The following RAB11FIP4 variants were observed in gnomAD, a reference collection of about 807,000 sequenced individuals.
RAB11FIP4 encodes the protein rab11 family-interacting protein 4.
RAB11FIP4 carries 23 observed loss-of-function variants against 74.3 expected under a neutral mutation model. The ratio of observed to expected loss-of-function variants is 0.31; its 90% CI spans 0.22 to 0.44. The LOEUF (loss-of-function observed/expected upper bound fraction) is 0.44, where lower values mean the gene tolerates loss of function less well. Among genes scored for constraint, RAB11FIP4 ranks in the 20% least tolerant of loss-of-function variants. The pLI is 1.00. For synonymous variants in RAB11FIP4, 360 were observed against 359.9 expected (o/e 1.00, Z 0.00); for missense variants, 630 against 863.9 (o/e 0.73, Z 3.39).
chr17:31,465,359 C>T (rs1456577489), intron 3 of RAB11FIP4, among the ~76,000 whole-genome samples: 4 of 152,016 alleles, frequency 2.6e-5, no homozygotes, highest in Non-Finnish European at 2.9e-5. Context: ...ATCCTTAGCA[C>T]GCTCCCCTAA....
intron 3 of RAB11FIP4, among the ~76,000 whole-genome samples, chr17:31,498,417 T>C (rs2072157376): frequency 6.6e-6 from 1 of 152,086 alleles, no homozygotes; most frequent in Admixed American, 6.5e-5. Flanking sequence ...GGGGGCTATG[T>C]GCTGATGGGA....
intron 3 of RAB11FIP4, among the ~76,000 whole-genome samples, chr17:31,473,882 G>T (rs926729796): frequency 5.3e-5 from 8 of 152,214 alleles, no homozygotes; most frequent in Non-Finnish European, 1.2e-4. Context: ...AAGGCCACCT[G>T]CCAGAAGTGT....
At chr17:31,468,597 G>A (rs1447354609) in intron 3 of RAB11FIP4, among the ~76,000 whole-genome samples, 2 of 152,128 alleles carry the variant, frequency 1.3e-5, no homozygotes, top group Admixed American at 6.5e-5. Flanking sequence ...TTGGGAGGCC[G>A]AGGCAGGCGG....
chr17:31,503,427 A>G (rs1338662654), intron 3 of RAB11FIP4, among the ~76,000 whole-genome samples: 1 of 149,772 alleles, frequency 6.7e-6, no homozygotes, highest in East Asian at 1.9e-4. Context: ...TAGAGGGAAC[A>G]GGATTCAGCC....
intron 1 of RAB11FIP4, among the ~76,000 whole-genome samples, chr17:31,428,748 G>A (rs1384107026): frequency 2.0e-5 from 3 of 152,072 alleles, no homozygotes; most frequent in Non-Finnish European, 2.9e-5. Context: ...CTGTGGGAGG[G>A]CTGCCACTAA....
intron 3 of RAB11FIP4, among the ~76,000 whole-genome samples, chr17:31,506,530 C>G (rs1220446092): frequency 6.6e-6 from 1 of 152,220 alleles, no homozygotes; most frequent in Non-Finnish European, 1.5e-5. Flanking sequence ...ACCAACCTTT[C>G]CCCGTCCTCC....
intron 1 of RAB11FIP4, among the ~76,000 whole-genome samples, chr17:31,415,825 G>A (rs955612202): frequency 3.9e-5 from 6 of 152,220 alleles, no homozygotes; most frequent in South Asian, 4.1e-4. Flanking sequence ...GACGGTCTCC[G>A]CAGCCTCCCA....
At chr17:31,466,105 C>CT in intron 3 of RAB11FIP4, among the ~76,000 whole-genome samples, 1 of 152,100 alleles carries the variant, frequency 6.6e-6, no homozygotes, top group African/African-American at 2.4e-5. Context: ...GATCACGCCA[C>CT]TGCACTCCAG....
intron 3 of RAB11FIP4, among the ~76,000 whole-genome samples, chr17:31,455,525 A>G (rs2071570799): frequency 6.6e-6 from 1 of 152,136 alleles, no homozygotes; most frequent in South Asian, 2.1e-4. Context: ...GCAGGGTGGC[A>G]TATTTGGATC....
chr17:31,448,153 T>C (rs1469834398), intron 3 of RAB11FIP4, among the ~76,000 whole-genome samples: 1 of 152,212 alleles, frequency 6.6e-6, no homozygotes, highest in Admixed American at 6.5e-5. Context: ...GGCTGCTCTT[T>C]CGAGTCCCAC....
In RAB11FIP4 at chr17:31,517,192, G is replaced by C. The variant is rs1431091680; in HGVS notation, c.337-459G>C. ...AGGTTGGGGGGCGAGGAGGCGGTGC[G>C]GGGGGGGGGGCGGTGGGGGGGGCGG... On this transcript the variant is annotated intron_variant, in intron 3 of 14. Transcript: ENST00000621161. 1.3e-3 allele frequency among the ~76,000 whole-genome samples: 37 copies of C among 27,416 alleles called. 1 individual carries two copies. Among genetic ancestry groups the C allele is most frequent in the Non-Finnish European group, 2.1e-3 (32 of 15,566 alleles). The allele number at this position is 27,416 out of a possible 152,430, so 18.0% of individuals were successfully genotyped here. A position where few individuals can be genotyped will look rare whatever the true frequency, so the allele number is the denominator to read the frequency against.
chr17:31,469,198 G>A (rs183735579), intron 3 of RAB11FIP4, among the ~76,000 whole-genome samples: 45 of 152,296 alleles, frequency 3.0e-4, no homozygotes, highest in African/African-American at 9.6e-4. Context: ...AATATGTAGC[G>A]TTCACGATGG....
At chr17:31,442,321 CG>C (rs1658147095) in intron 3 of RAB11FIP4, among the ~76,000 whole-genome samples, 1 of 152,088 alleles carries the variant, frequency 6.6e-6, no homozygotes, top group South Asian at 2.1e-4. Context: ...ATATTTTTAA[CG>C]TAATTTGGGG....
intron 3 of RAB11FIP4, among the ~76,000 whole-genome samples, chr17:31,475,516 C>T (rs1420947399): frequency 6.6e-6 from 1 of 152,214 alleles, no homozygotes; most frequent in Admixed American, 6.5e-5. Flanking sequence ...CCTCAAAACC[C>T]CTGTGACACA....
chr17:31,418,195 C>T (rs564733517), intron 1 of RAB11FIP4, among the ~76,000 whole-genome samples: 157 of 152,288 alleles, frequency 1.0e-3, no homozygotes, highest in Non-Finnish European at 1.9e-3. Context: ...CGAGACCAGC[C>T]TGGCCAACAT....
intron 3 of RAB11FIP4, chr17:31,488,076 C>A: frequency 9.8e-7 from 1 of 1,016,198 alleles, no homozygotes; most frequent in Non-Finnish European, 1.2e-6. Context: ...GCGGGTCTCC[C>A]GGCAACGGGC....
At chr17:31,498,875 G>A (rs1007974608) in intron 3 of RAB11FIP4, among the ~76,000 whole-genome samples, 6 of 152,228 alleles carry the variant, frequency 3.9e-5, no homozygotes, top group African/African-American at 1.4e-4. Context: ...TTTTATCATC[G>A]CTCCTCTTAT....
intron 1 of RAB11FIP4, 149 bp downstream of exon 1, chr17:31,392,160 C>T (rs1025701149): frequency 5.0e-6 from 3 of 604,474 alleles, no homozygotes; most frequent in African/African-American, 3.9e-5. Flanking sequence ...GGACCTCGGC[C>T]CCCCCCGGGT....
intron 1 of RAB11FIP4, among the ~76,000 whole-genome samples, chr17:31,412,624 C>T (rs1291522191): frequency 1.3e-5 from 2 of 152,202 alleles, no homozygotes; most frequent in Admixed American, 6.5e-5. Flanking sequence ...TAGGAAGGGG[C>T]GGGGCCACCT....
Sources: allele counts gnomAD v4.1 joint callset (sites outside exome capture counted in the v4.1 genomes callset), GRCh38; gene constraint gnomAD v4.1.1; transcripts MANE v1.5; gene names NCBI Gene and HGNC (gene_info 2026-07-23, HGNC 2026-07-21).